Variants in XIRP2 observed in about 807,000 individuals in gnomAD.
XIRP2 encodes xin actin binding repeat containing 2, also known as xin actin-binding repeat-containing protein 2.
In XIRP2, 236 loss-of-function variants were observed where a neutral mutation model predicts 277.0. That is an observed-to-expected ratio of 0.85 (90% CI 0.77 to 0.95). The LOEUF (loss-of-function observed/expected upper bound fraction) is 0.95. Ranked by LOEUF, XIRP2 falls within the 40% of genes least tolerant of loss-of-function variation. The probability of loss-of-function intolerance (pLI) is 0.00; values close to 1 mark genes in which losing one functional copy is unlikely to be tolerated. For synonymous variants in XIRP2, 1,490 were observed against 1,416.5 expected (o/e 1.05, Z -1.17); for missense variants, 4,640 against 4,157.5 (o/e 1.12, Z -3.19).
In XIRP2 at chr2:167,248,254, C is replaced by G; in HGVS notation, c.6862C>G (p.Pro2288Ala). Residue 2288 changes from proline (P) to alanine (A), a missense_variant, in exon 9 of 11, where the codon CCC (proline) becomes GCC (alanine). Coordinates refer to ENST00000409195, the MANE Select transcript of XIRP2 (RefSeq NM_152381.6). ...GAATAATGTAAAAGAAAGTGAGTGC[C>G]CCCTTCCACCTCCATCTCCACCTCC... ...PENNVKESEC[P>A]LPPPSPPPPP... The G allele has an allele frequency of 6.2e-7, 1 of 1,613,398 alleles. No homozygotes were observed. The highest frequency in any genetic ancestry group is 8.5e-7 in the Non-Finnish European group (1 of 1,179,736).
chr2:167,064,585 A>T (rs1689254968), intron 2 of XIRP2, among the ~76,000 whole-genome samples: 1 of 151,866 alleles, frequency 6.6e-6, no homozygotes, highest in Non-Finnish European at 1.5e-5. Context: ...GGGTATTCAC[A>T]CTGCTTTGCA....
chr2:167,027,083 A>G (rs1688183425), intron 2 of XIRP2, among the ~76,000 whole-genome samples: 1 of 152,058 alleles, frequency 6.6e-6, no homozygotes, highest in South Asian at 2.1e-4. Flanking sequence ...CTCCTGGATA[A>G]TATCCTGCAG....
At chr2:167,021,662 C>G (rs755983393) in intron 2 of XIRP2, among the ~76,000 whole-genome samples, 1 of 151,626 alleles carries the variant, frequency 6.6e-6, no homozygotes, top group African/African-American at 2.4e-5. Context: ...CTAGTCTCTA[C>G]AAAAAATAAA....
At chr2:167,088,476 A>G (rs760261043) in intron 2 of XIRP2, among the ~76,000 whole-genome samples, 6 of 152,078 alleles carry the variant, frequency 3.9e-5, no homozygotes, top group Non-Finnish European at 7.4e-5. Flanking sequence ...TTTTAGTACA[A>G]CCTATTCTCC....
At chr2:166,987,643 T>A (rs1687041262) in intron 2 of XIRP2, among the ~76,000 whole-genome samples, 1 of 152,196 alleles carries the variant, frequency 6.6e-6, no homozygotes, top group African/African-American at 2.4e-5. Flanking sequence ...AGCATCCAGA[T>A]CTTGTTCTCT....
At chr2:167,074,746 C>T (rs1689519047) in intron 2 of XIRP2, among the ~76,000 whole-genome samples, 1 of 151,918 alleles carries the variant, frequency 6.6e-6, no homozygotes, top group Admixed American at 6.6e-5. Flanking sequence ...CTCAAGTGAT[C>T]GTCCCACTTC....
chr2:167,207,969 TA>T (rs1177489460), intron 3 of XIRP2, among the ~76,000 whole-genome samples: 3 of 152,178 alleles, frequency 2.0e-5, no homozygotes, highest in African/African-American at 7.2e-5. Context: ...ATATTTTGAA[TA>T]GATTATAAAT....
intron 2 of XIRP2, among the ~76,000 whole-genome samples, chr2:166,952,277 T>C (rs1422310175): frequency 6.6e-6 from 1 of 152,010 alleles, no homozygotes; most frequent in African/African-American, 2.4e-5. Flanking sequence ...CCCTAATCTT[T>C]TTATACTATT....
At chr2:166,912,253 C>G (rs904789116) in intron 2 of XIRP2, among the ~76,000 whole-genome samples, 2 of 152,186 alleles carry the variant, frequency 1.3e-5, no homozygotes, top group African/African-American at 2.4e-5. Context: ...ACCAATCAGA[C>G]ATAGATTTGG....
At chr2:167,125,265 C>T (rs1002263046) in intron 2 of XIRP2, among the ~76,000 whole-genome samples, 1 of 152,066 alleles carries the variant, frequency 6.6e-6, no homozygotes, top group African/African-American at 2.4e-5. Flanking sequence ...AAGTACCTGC[C>T]ATGTAAAAGG....
At chr2:167,010,341 G>T (rs28773031) in intron 2 of XIRP2, among the ~76,000 whole-genome samples, 1 of 151,350 alleles carries the variant, frequency 6.6e-6, no homozygotes, top group Admixed American at 6.6e-5. Flanking sequence ...TTTCCCCATT[G>T]CTTGTTTTTC....
Position 167,251,759 on chromosome 2 carries a change from C to T in XIRP2, c.10367C>T (p.Pro3456Leu). Residue 3456 changes from proline (P) to leucine (L), a missense_variant, in exon 9 of 11, where the codon CCA (proline) becomes CTA (leucine). By Grantham distance (98) the Pro-to-Leu change is moderately conservative. Coordinates refer to ENST00000409195, the MANE Select transcript of XIRP2 (RefSeq NM_152381.6). ...KSGCDFKHAP[P>L]TYEDVIAGHI... ...GGCTGTGACTTCAAGCATGCCCCACCAACCTATGAGGATGTCATTGCTGGA... is the reference window on the plus strand; with the variant it reads ...GGCTGTGACTTCAAGCATGCCCCACTAACCTATGAGGATGTCATTGCTGGA... The T allele has an allele frequency of 6.2e-7, 1 of 1,613,360 alleles. No individual in the cohort carries two copies. The highest frequency in any genetic ancestry group is 8.5e-7 in the Non-Finnish European group (1 of 1,179,580).
Position 167,210,785 on chromosome 2 carries a change from G to T in XIRP2, c.613G>T (p.Ala205Ser). The change falls in exon 4 of 11, where the codon GCT becomes TCT. Residue 205 changes from alanine (A) to serine (S), a missense_variant. By Grantham distance (99) the Ala-to-Ser change is moderately conservative. Transcript: ENST00000409195. ...GAGTGGATTTGCAGAAGACAGTGCT[G>T]CTCGGGGCGAGGGTGTGTCAGACCT... Reference protein sequence around the residue: ...PESGFAEDSAARGEGVSDLHE... With the variant: ...PESGFAEDSASRGEGVSDLHE... The T allele has an allele frequency of 6.2e-7, 1 of 1,614,198 alleles. No homozygotes were observed. The highest frequency in any genetic ancestry group is 8.5e-7 in the Non-Finnish European group (1 of 1,180,028).
intron 2 of XIRP2, among the ~76,000 whole-genome samples, chr2:166,933,664 CA>C (rs1327540650): frequency 3.3e-5 from 5 of 150,366 alleles, no homozygotes; most frequent in Admixed American, 6.6e-5. Context: ...TGTAGATTAA[CA>C]AAATAATTCT....
At chr2:167,110,282 C>T (rs1043156651) in intron 2 of XIRP2, among the ~76,000 whole-genome samples, 11 of 152,084 alleles carry the variant, frequency 7.2e-5, no homozygotes, top group Admixed American at 7.2e-4. Context: ...GCTTATCTCC[C>T]AGAGTTTTCA....
At chr2:167,074,725 C>T (rs922946607) in intron 2 of XIRP2, among the ~76,000 whole-genome samples, 2 of 151,882 alleles carry the variant, frequency 1.3e-5, no homozygotes, top group Admixed American at 6.6e-5. Flanking sequence ...CTGCAACTTC[C>T]ACCTCCCAGG....
chr2:166,953,123 T>C (rs534600433), intron 2 of XIRP2, among the ~76,000 whole-genome samples: 1 of 152,070 alleles, frequency 6.6e-6, no homozygotes, highest in Admixed American at 6.6e-5. Context: ...TCCCCTATTA[T>C]GCAAATGTAA....
At chr2:167,151,895 T>A (rs1692026926) in intron 3 of XIRP2, among the ~76,000 whole-genome samples, 1 of 152,116 alleles carries the variant, frequency 6.6e-6, no homozygotes, top group Admixed American at 6.6e-5. Flanking sequence ...CTACTAGATT[T>A]CAAAGGAATT....
Position 167,258,587 on chromosome 2 carries a change from A to C in XIRP2, c.*770A>C. 6.2e-7 allele frequency: 1 copy of C among 1,613,106 alleles called. No individual in the cohort carries two copies. ...GAAAAATGAAAAAACTAACCAAACT[A>C]ATGGTGCAGAAGTTTTACAGGTTAC... On this transcript the variant is annotated 3_prime_UTR_variant, in exon 11 of 11. Coordinates refer to ENST00000409195, the MANE Select transcript of XIRP2 (RefSeq NM_152381.6).
Sources: allele counts gnomAD v4.1 joint callset (sites outside exome capture counted in the v4.1 genomes callset), GRCh38; gene constraint gnomAD v4.1.1; transcripts MANE v1.5; gene names NCBI Gene and HGNC (gene_info 2026-07-23, HGNC 2026-07-21).